HIC1: variants seen among roughly 807,000 people sequenced by gnomAD.
HIC1 encodes the protein HIC ZBTB transcriptional repressor 1.
HIC1 carries 9 observed loss-of-function variants against 26.4 expected under a neutral mutation model. The ratio of observed to expected loss-of-function variants is 0.34; its 90% CI spans 0.21 to 0.59. HIC1 has a LOEUF of 0.59. HIC1 is among the 20% of genes least tolerant of loss of function. The probability of loss-of-function intolerance (pLI) is 0.82; values close to 1 mark genes in which losing one functional copy is unlikely to be tolerated. For missense variants in HIC1, 965 were observed against 1,075.7 expected (o/e 0.90, Z 1.44); for synonymous variants, 631 against 523.1 (o/e 1.21, Z -2.81).
chr17:2,061,633 G>C lies in HIC1; in HGVS notation c.*2798G>C. 2 of 1,566,830 alleles carry C rather than the reference G, an allele frequency of 1.3e-6. No individual in the cohort carries two copies. Among genetic ancestry groups the C allele is most frequent in the Non-Finnish European group, 1.7e-6 (2 of 1,155,796 alleles). The stretch of plus-strand genomic sequence containing the variant: ...GCCGGATTGGCTCCTCTGTGGGCAT[G>C]AGAGAGCAGAAGGCTGTCACTGAGG... On this transcript the variant is annotated 3_prime_UTR_variant, in exon 2 of 2. Transcript: ENST00000619757.
Position 2,058,807 on chromosome 17 carries a change from G to A in HIC1, c.2117G>A (p.Arg706Gln). ...CACCTGGCGGCCGGGCCCGACGGCCGGACCATCGACCGTTTCTCTCCCACC... is the reference window on the plus strand; with the variant it reads ...CACCTGGCGGCCGGGCCCGACGGCCAGACCATCGACCGTTTCTCTCCCACC... ...GAHLAAGPDG[R>Q]TIDRFSPT Residue 706 changes from arginine (R) to glutamine (Q), a missense_variant, in exon 2 of 2, where the codon CGG (arginine) becomes CAG (glutamine). This residue lies in a region of HIC1 where 210 missense variants were observed against 179.2 expected (regional missense o/e 1.17). Coordinates refer to ENST00000619757, the MANE Select transcript of HIC1 (RefSeq NM_006497.4). 6.7e-7 allele frequency: 1 copy of A among 1,499,006 alleles called. No homozygotes were observed. Among genetic ancestry groups the A allele is most frequent in the East Asian group, 2.7e-5 (1 of 36,890 alleles). 92.9% of individuals were successfully genotyped at this position (1,499,006 alleles called of 1,614,324 possible). A position where few individuals can be genotyped will look rare whatever the true frequency, so the allele number is the denominator to read the frequency against.
rs935669727 is a variant in HIC1, at chr17:2,057,062, G to A, written c.372G>A (p.Ala124=). The change falls in exon 2 of 2, where the codon GCG becomes GCA. Residue 124 remains alanine, a synonymous_variant. Transcript: ENST00000619757. ...ASYLQIPDLV[A]LCKKRLKRHG... ...ACCTGCAGATCCCCGACCTCGTGGCGCTGTGCAAGAAACGCCTCAAGCGCC... is the reference window on the plus strand; with the variant it reads ...ACCTGCAGATCCCCGACCTCGTGGCACTGTGCAAGAAACGCCTCAAGCGCC... 1 of 1,463,864 alleles carries A rather than the reference G, an allele frequency of 6.8e-7. No individual in the cohort carries two copies. The highest frequency in any genetic ancestry group is 2.8e-5 in the Admixed American group (1 of 35,166). The allele number at this position is 1,463,864 out of a possible 1,614,324, so 90.7% of individuals were successfully genotyped here. A position where few individuals can be genotyped will look rare whatever the true frequency, so the allele number is the denominator to read the frequency against.
rs1005400998 is a variant in HIC1 at position 2,059,591 on chromosome 17, C to T, written c.*756C>T. On this transcript the variant is annotated 3_prime_UTR_variant, in exon 2 of 2. Coordinates refer to ENST00000619757, the MANE Select transcript of HIC1 (RefSeq NM_006497.4). ...AACGCGGTCTCTTTAGCTCCCTCCTCTTCGTTTGTATATTTCCTACCTTGT... is the reference window on the plus strand; with the variant it reads ...AACGCGGTCTCTTTAGCTCCCTCCTTTTCGTTTGTATATTTCCTACCTTGT... The T allele has an allele frequency of 3.6e-5, 6 of 167,094 alleles. No individual in the cohort carries two copies. The highest frequency in any genetic ancestry group is 8.8e-5 in the Non-Finnish European group (6 of 68,162). 10.4% of individuals were successfully genotyped at this position (167,094 alleles called of 1,614,324 possible).
rs1323556947 is a variant in HIC1, at chr17:2,056,688, A to G, written c.-3A>G. 4 of 1,585,726 alleles carry G rather than the reference A, an allele frequency of 2.5e-6. No individual in the cohort carries two copies. Among genetic ancestry groups the G allele is most frequent in the African/African-American group, 1.3e-5 (1 of 74,342 alleles). ...CCCCGCAGGAGAGTGTGCTGGGCAG[A>G]CGATGCTGGACACGATGGAGGCGCC... is the stretch of plus-strand genomic sequence containing the variant. On this transcript the variant is annotated 5_prime_UTR_variant, in exon 2 of 2. Transcript: ENST00000619757.
chr17:2,058,998 T>A lies in HIC1; in HGVS notation c.*163T>A. On this transcript the variant is annotated 3_prime_UTR_variant, in exon 2 of 2. Transcript: ENST00000619757. ...GGCCTCACCTGGCCTCACTGCTTCG[T>A]GCCTTAGCTCGGGGGTCGGGGGAGA... 1.7e-6 allele frequency: 1 copy of A among 586,000 alleles called. No homozygotes were observed. The highest frequency in any genetic ancestry group is 2.8e-6 in the Non-Finnish European group (1 of 360,454). 36.3% of individuals were successfully genotyped at this position (586,000 alleles called of 1,614,324 possible).
In HIC1 at chr17:2,060,915, G is replaced by C. The variant is rs2067754787; in HGVS notation, c.*2080G>C. On this transcript the variant is annotated 3_prime_UTR_variant, in exon 2 of 2. Coordinates refer to ENST00000619757, the MANE Select transcript of HIC1 (RefSeq NM_006497.4). ...GATGGTAGAAGAGGTGGGGGCCCAG[G>C]GCTGCTGTTAGGGACATGCTGTCTA... 6.5e-6 allele frequency: 1 copy of C among 153,796 alleles called. No individual in the cohort carries two copies. The highest frequency in any genetic ancestry group is 2.4e-5 in the African/African-American group (1 of 41,436). The allele number at this position is 153,796 out of a possible 1,614,324, so 9.5% of individuals were successfully genotyped here.
chr17:2,056,225 C>T lies in HIC1; in HGVS notation c.-20-446C>T. On this transcript the variant is annotated intron_variant, in intron 1 of 1. Coordinates refer to ENST00000619757, the MANE Select transcript of HIC1 (RefSeq NM_006497.4). The stretch of plus-strand genomic sequence containing the variant: ...GCTCCCCTCCTCCGTATCACTTCCC[C>T]CAACTGGGGCAACTTCTCCCGAGGC... The T allele has an allele frequency of 1.1e-5, 13 of 1,209,832 alleles. No individual in the cohort carries two copies. The South Asian group carries it at 1.4e-4, about 13-fold the overall frequency. 74.9% of individuals were successfully genotyped at this position (1,209,832 alleles called of 1,614,324 possible).
At chr17:2,056,390 C>A in intron 1 of HIC1, 2 of 1,592,414 alleles carry the variant, frequency 1.3e-6, no homozygotes, top group Non-Finnish European at 1.7e-6. Context: ...CAGTTTTCTT[C>A]TCGGAAGCCC....
chr17:2,057,094 A>G lies in HIC1; in HGVS notation c.404A>G (p.Lys135Arg). ...LCKKRLKRHG[K>R]YCHLRGGGGG... ...AAGAAACGCCTCAAGCGCCACGGCA[A>G]GTACTGCCACCTGCGGGGCGGCGGC... Residue 135 changes from lysine to arginine, a missense_variant, in exon 2 of 2, where the codon AAG (lysine) becomes AGG (arginine). Around this residue, in one of 6 missense-constraint regions of HIC1, gnomAD observed 526 missense variants for 525.0 expected, o/e 1.00. Coordinates refer to ENST00000619757, the MANE Select transcript of HIC1 (RefSeq NM_006497.4). The G allele has an allele frequency of 7.3e-7, 1 of 1,367,878 alleles. No individual in the cohort carries two copies. Among genetic ancestry groups the G allele is most frequent in the Non-Finnish European group, 9.4e-7 (1 of 1,067,862 alleles). The allele number at this position is 1,367,878 out of a possible 1,614,324, so 84.7% of individuals were successfully genotyped here. A position where few individuals can be genotyped will look rare whatever the true frequency, so the allele number is the denominator to read the frequency against.
At position 2,058,277 on chromosome 17, in the gene HIC1, G is replaced by C. The variant is rs2067694908; in HGVS notation, c.1587G>C (p.Gly529=). ...TICGKKFTQR[G]TMTRHMRSHL... ...GCGGGAAGAAGTTCACGCAGCGTGG[G>C]ACCATGACGCGCCACATGCGCAGCC... is the stretch of plus-strand genomic sequence containing the variant. The change falls in exon 2 of 2, where the codon GGG becomes GGC. Residue 529 remains glycine (G), a synonymous_variant. Coordinates refer to ENST00000619757, the MANE Select transcript of HIC1 (RefSeq NM_006497.4). 6.2e-7 allele frequency: 1 copy of C among 1,610,366 alleles called. No individual in the cohort carries two copies. The highest frequency in any genetic ancestry group is 8.5e-7 in the Non-Finnish European group (1 of 1,179,086).
chr17:2,055,797 C>G lies in HIC1; in HGVS notation c.-21+559C>G, dbSNP rs1345464488. On this transcript the variant is annotated intron_variant, in intron 1 of 1. Transcript: ENST00000619757. The surrounding 1 kb of genome is among the most constrained non-coding windows in gnomAD (Gnocchi z 6.4). ...CGGCGCACTCCTCCCGCCCTGTCTG[C>G]AGTTGGAAAACTTTTCCCCAAGTTT... Among the ~76,000 whole-genome samples the G allele has an allele frequency of 4.6e-5, 7 of 151,672 alleles. No individual in the cohort carries two copies. The highest frequency in any genetic ancestry group is 7.3e-5 in the African/African-American group (3 of 41,336).
At position 2,058,358 on chromosome 17, in the gene HIC1, G is replaced by A. The variant is rs2067695582; in HGVS notation, c.1668G>A (p.Gln556=). ...CDACGMRFTR[Q]YRLTEHMRIH... ...CGTGCGGCATGCGGTTCACGCGCCA[G>A]TACCGCCTCACGGAGCACATGCGCA... The change falls in exon 2 of 2, where the codon CAG becomes CAA. Residue 556 remains glutamine (Q), a synonymous_variant. Coordinates refer to ENST00000619757, the MANE Select transcript of HIC1 (RefSeq NM_006497.4). The A allele has an allele frequency of 1.2e-6, 2 of 1,610,378 alleles. No individual in the cohort carries two copies. The highest frequency in any genetic ancestry group is 1.7e-6 in the Non-Finnish European group (2 of 1,178,974).
Position 2,061,069 on chromosome 17 carries a change from G to A in HIC1, c.*2234G>A, listed in dbSNP as rs2067759654. ...ACGACAGAGGTTCTGAAGATGAAAG[G>A]GAACTGTGATTTCACTGCATCTGAC... On this transcript the variant is annotated 3_prime_UTR_variant, in exon 2 of 2. Coordinates refer to ENST00000619757, the MANE Select transcript of HIC1 (RefSeq NM_006497.4). 1 of 167,764 alleles carries A rather than the reference G, an allele frequency of 6.0e-6. No homozygotes were observed. The highest frequency in any genetic ancestry group is 1.3e-5 in the Non-Finnish European group (1 of 76,326). The allele number at this position is 167,764 out of a possible 1,614,324, so 10.4% of individuals were successfully genotyped here.
rs749180370 is a variant in HIC1, at chr17:2,058,475, C to T, written c.1785C>T (p.Ala595=). The T allele has an allele frequency of 8.6e-6, 13 of 1,519,854 alleles. No individual in the cohort carries two copies. The Admixed American group carries it at 1.2e-4, about 13-fold the overall frequency. The allele number at this position is 1,519,854 out of a possible 1,614,324, so 94.1% of individuals were successfully genotyped here. Residue 595 remains alanine (A), a synonymous_variant, in exon 2 of 2, where the codon GCC becomes GCT. Transcript: ENST00000619757. The part of the protein sequence containing the change: ...RNLISHMKMH[A]VGGAAGAAGA... Reference sequence around the variant, plus strand: ...TCATCAGCCACATGAAGATGCACGCCGTGGGGGGCGCGGCCGGCGCGGCCG... The same window carrying T: ...TCATCAGCCACATGAAGATGCACGCTGTGGGGGGCGCGGCCGGCGCGGCCG...
At chr17:2,056,622 C>A (rs1417164087) in intron 1 of HIC1, 49 bp from the exon 2 acceptor site, 20 of 1,472,598 alleles carry the variant, frequency 1.4e-5, no homozygotes, top group Non-Finnish European at 1.7e-5. Flanking sequence ...TGGGGCCAGG[C>A]GGCCAGGGCG....
rs1024215349 is a variant in HIC1, at chr17:2,058,957, G to C, written c.*122G>C. 9 of 906,678 alleles carry C rather than the reference G, an allele frequency of 9.9e-6. No individual in the cohort carries two copies. The African/African-American group carries it at 1.2e-4, about 13-fold the overall frequency. The allele number at this position is 906,678 out of a possible 1,614,324, so 56.2% of individuals were successfully genotyped here. A position where few individuals can be genotyped will look rare whatever the true frequency, so the allele number is the denominator to read the frequency against. On this transcript the variant is annotated 3_prime_UTR_variant, in exon 2 of 2. Transcript: ENST00000619757. Reference sequence around the variant, plus strand: ...ACAACCGCAGCGTCGCCACAGTGGCGGCTCCACCTCTCGGCGGCCTCACCT... The same window carrying C: ...ACAACCGCAGCGTCGCCACAGTGGCCGCTCCACCTCTCGGCGGCCTCACCT...
chr17:2,058,253 C>T lies in HIC1; in HGVS notation c.1563C>T (p.Cys521=), dbSNP rs1056898231. 3.1e-6 allele frequency: 5 copies of T among 1,611,280 alleles called. No individual in the cohort carries two copies. Among genetic ancestry groups the T allele is most frequent in the East Asian group, 2.2e-5 (1 of 44,854 alleles). ...CCCGGCCCTACCCATGCACCATCTG[C>T]GGGAAGAAGTTCACGCAGCGTGGGA... is the stretch of plus-strand genomic sequence containing the variant. ...WLTRPYPCTI[C]GKKFTQRGTM... The change falls in exon 2 of 2, where the codon TGC becomes TGT. Residue 521 remains cysteine, a synonymous_variant. Coordinates refer to ENST00000619757, the MANE Select transcript of HIC1 (RefSeq NM_006497.4).
At position 2,057,697 on chromosome 17, in the gene HIC1, G is replaced by A; in HGVS notation, c.1007G>A (p.Arg336His). The A allele has an allele frequency of 6.7e-7, 1 of 1,482,214 alleles. No individual in the cohort carries two copies. The highest frequency in any genetic ancestry group is 8.9e-7 in the Non-Finnish European group (1 of 1,122,480). 91.8% of individuals were successfully genotyped at this position (1,482,214 alleles called of 1,614,324 possible). ...CGGGAGCGCGGCTCCCCCAGCGAGC[G>A]CTGCGAAGAGCGTGGTGGGGACGCG... is the stretch of plus-strand genomic sequence containing the variant. The part of the protein sequence containing the change: ...LGRERGSPSE[R>H]CEERGGDAAV... The change falls in exon 2 of 2, where the codon CGC (arginine) becomes CAC (histidine). Residue 336 changes from arginine to histidine, a missense_variant. This residue lies in a region of HIC1 where 526 missense variants were observed against 525.0 expected (regional missense o/e 1.00). Coordinates refer to ENST00000619757, the MANE Select transcript of HIC1 (RefSeq NM_006497.4).
Position 2,057,844 on chromosome 17 carries a change from G to C in HIC1, c.1154G>C (p.Gly385Ala). ...DDYKSSSEET[G>A]SSEDPSPPGG... is the part of the protein sequence containing the mutation. Reference sequence around the variant, plus strand: ...TACAAGAGCAGCAGCGAGGAGACCGGTAGCAGCGAGGACCCCAGCCCGCCT... The same window carrying C: ...TACAAGAGCAGCAGCGAGGAGACCGCTAGCAGCGAGGACCCCAGCCCGCCT... The change falls in exon 2 of 2, where the codon GGT becomes GCT. Residue 385 changes from glycine (G) to alanine (A), a missense_variant. Physicochemically the swap from Gly to Ala is moderately conservative, Grantham distance 60 (BLOSUM62 0). Around this residue, in one of 6 missense-constraint regions of HIC1, gnomAD observed 526 missense variants for 525.0 expected, o/e 1.00. Coordinates refer to ENST00000619757, the MANE Select transcript of HIC1 (RefSeq NM_006497.4). 6.3e-7 allele frequency: 1 copy of C among 1,583,646 alleles called. No homozygotes were observed. The highest frequency in any genetic ancestry group is 8.6e-7 in the Non-Finnish European group (1 of 1,166,480).
Sources: gnomAD v4.1 joint callset for allele counts (sites outside exome capture counted in the v4.1 genomes callset) on GRCh38, gnomAD v4.1.1 for gene constraint, gnomAD v4.1.1 regional missense constraint, Gnocchi (gnomAD v3.1) non-coding constraint, MANE v1.5 for transcripts, NCBI Gene and HGNC (gene_info 2026-07-23, HGNC 2026-07-21) for gene names.